The following DHRSX variants were observed in gnomAD, a reference collection of about 807,000 sequenced individuals.
DHRSX encodes dehydrogenase/reductase X-linked.
Under a neutral mutation model 34.0 loss-of-function variants are expected in DHRSX, and 31 were observed. That is an observed-to-expected ratio of 0.91 (90% CI 0.69 to 1.23). The LOEUF (loss-of-function observed/expected upper bound fraction) is 1.23. Among genes scored for constraint, DHRSX ranks in the 50% most tolerant of loss-of-function variants. DHRSX has a pLI of 0.00. For missense variants in DHRSX, 414 were observed against 428.1 expected (o/e 0.97, Z 0.29); for synonymous variants, 201 against 183.8 (o/e 1.09, Z -0.76).
chrX:2,248,823 A>G (rs2016364892), intron 5 of DHRSX, among the ~76,000 whole-genome samples: 2 of 152,056 alleles, frequency 1.3e-5, no homozygotes, highest in African/African-American at 4.8e-5. Context: ...TCAGCCTTAG[A>G]TCACACCCTC....
intron 2 of DHRSX, among the ~76,000 whole-genome samples, chrX:2,410,376 C>G: frequency 6.6e-6 from 1 of 152,268 alleles, no homozygotes; most frequent in South Asian, 2.1e-4. Context: ...GCCCGGAGAG[C>G]TTCAAACAGC....
At chrX:2,262,601 C>G (rs1347045690) in intron 5 of DHRSX, among the ~76,000 whole-genome samples, 2 of 152,248 alleles carry the variant, frequency 1.3e-5, no homozygotes, top group Non-Finnish European at 2.9e-5. Flanking sequence ...CACAGGCACG[C>G]ACACATGCCC....
At position 2,219,676 on chromosome X, in the gene DHRSX, G is replaced by C. The variant is rs925674709; in HGVS notation, c.*1365C>G. 2 of 152,230 alleles carry C rather than the reference G, an allele frequency of 1.3e-5. No individual in the cohort carries two copies. The highest frequency in any genetic ancestry group is 4.8e-5 in the African/African-American group (2 of 41,462). The allele number at this position is 152,230 out of a possible 1,614,324, so 9.4% of individuals were successfully genotyped here. A position where few individuals can be genotyped will look rare whatever the true frequency, so the allele number is the denominator to read the frequency against. ...CAGCTGGTTGTGATTCTAAGGTACA[G>C]GCATGCCAGGAGCCTGGATTTGAAT... is the stretch of plus-strand genomic sequence containing the variant. On this transcript the variant is annotated 3_prime_UTR_variant, in exon 7 of 7. Transcript: ENST00000334651.
rs771616367 is a variant in DHRSX, at chrX:2,473,630, C to CA, written c.109+27186dup. On this transcript the variant is annotated intron_variant, in intron 1 of 6. Coordinates refer to ENST00000334651, the MANE Select transcript of DHRSX (RefSeq NM_145177.3). ...AGGGTGACAGAGCAAGACTCCGTCTCAAAAAAAAAAAAAAGAATGAAAGGT... is the reference window on the plus strand; with the variant it reads ...AGGGTGACAGAGCAAGACTCCGTCTCAAAAAAAAAAAAAAAGAATGAAAGGT... Among the ~76,000 whole-genome samples the CA allele has an allele frequency of 1.5e-3, 157 of 106,268 alleles. 2 individuals carry two copies. The highest frequency in any genetic ancestry group is 4.7e-3 in the Middle Eastern group (1 of 212). The allele number at this position is 106,268 out of a possible 152,430, so 69.7% of individuals were successfully genotyped here. A position where few individuals can be genotyped will look rare whatever the true frequency, so the allele number is the denominator to read the frequency against.
At chrX:2,330,531 A>AG (rs2042454439) in intron 3 of DHRSX, among the ~76,000 whole-genome samples, 1 of 145,542 alleles carries the variant, frequency 6.9e-6, no homozygotes, top group African/African-American at 2.5e-5. Flanking sequence ...GAAAAAAAAA[A>AG]AGAAAAGAAA....
chrX:2,317,256 C>CCTTTTTTTTTTTT (rs2042251425), intron 3 of DHRSX, among the ~76,000 whole-genome samples: 8 of 87,440 alleles, frequency 9.1e-5, no homozygotes, highest in African/African-American at 3.9e-4. Flanking sequence ...CCGCGCCTGG[C>CCTTTTTTTTTTTT]TTTTTTTTTT....
At chrX:2,412,198 G>T (rs182754631) in intron 2 of DHRSX, among the ~76,000 whole-genome samples, 30 of 152,272 alleles carry the variant, frequency 2.0e-4, no homozygotes, top group Admixed American at 1.4e-3. Context: ...TTTGTATTTG[G>T]GGGGGCAGGG....
chrX:2,416,241 T>C (rs2043691599), intron 2 of DHRSX, among the ~76,000 whole-genome samples: 1 of 151,684 alleles, frequency 6.6e-6, no homozygotes, highest in Non-Finnish European at 1.5e-5. Flanking sequence ...CATCAGAACC[T>C]TACCCAACTG....
chrX:2,314,672 C>T (rs191142842), intron 3 of DHRSX, among the ~76,000 whole-genome samples: 296 of 151,938 alleles, frequency 1.9e-3, no homozygotes, highest in Non-Finnish European at 3.2e-3. Flanking sequence ...AAGTAAGTTA[C>T]GATATATAGG....
chrX:2,296,059 C>T (rs191270369), intron 3 of DHRSX, among the ~76,000 whole-genome samples: 11 of 152,240 alleles, frequency 7.2e-5, no homozygotes, highest in Non-Finnish European at 2.9e-5. Context: ...CCCCAAGCCA[C>T]GCCGGGCATC....
intron 1 of DHRSX, among the ~76,000 whole-genome samples, chrX:2,475,631 G>C (rs2044668230): frequency 1.3e-5 from 2 of 149,104 alleles, no homozygotes; most frequent in African/African-American, 5.0e-5. Flanking sequence ...CGTTCCCTAA[G>C]CATACAGCCA....
At chrX:2,383,071 TCAG>T (rs1165998532) in intron 3 of DHRSX, among the ~76,000 whole-genome samples, 2 of 149,510 alleles carry the variant, frequency 1.3e-5, no homozygotes, top group Non-Finnish European at 3.0e-5. Flanking sequence ...ATCACCATCA[TCAG>T]CAGCAGCAGC....
In DHRSX at chrX:2,414,859, A is replaced by T. The variant is rs573443536; in HGVS notation, c.218-6046T>A. Among the ~76,000 whole-genome samples, 10 of 151,988 alleles carry T rather than the reference A, an allele frequency of 6.6e-5. 1 individual carries two copies. Among genetic ancestry groups the T allele is most frequent in the African/African-American group, 2.2e-4 (9 of 41,480 alleles). ...TCATAGCCTAGGCCAACTAGATTTC[A>T]TTATGACCTAATACAACTAATTCTC... On this transcript the variant is annotated intron_variant, in intron 2 of 6. Transcript: ENST00000334651.
chrX:2,406,357 A>G (rs751985888), intron 3 of DHRSX, among the ~76,000 whole-genome samples: 1 of 152,300 alleles, frequency 6.6e-6, no homozygotes, highest in Admixed American at 6.5e-5. Flanking sequence ...GGAAATGCAA[A>G]TGAAAACCAC....
At chrX:2,257,968 T>C (rs1311701796) in intron 5 of DHRSX, among the ~76,000 whole-genome samples, 1 of 151,904 alleles carries the variant, frequency 6.6e-6, no homozygotes, top group Non-Finnish European at 1.5e-5. Flanking sequence ...TAAAATGAGG[T>C]CACTAGGGTA....
At chrX:2,285,338 G>T (rs1293645707) in intron 4 of DHRSX, among the ~76,000 whole-genome samples, 3 of 152,156 alleles carry the variant, frequency 2.0e-5, no homozygotes, top group Non-Finnish European at 4.4e-5. Context: ...TCAGGAATTA[G>T]ATTCCATAAG....
chrX:2,315,709 T>C (rs2042234081), intron 3 of DHRSX, among the ~76,000 whole-genome samples: 1 of 152,126 alleles, frequency 6.6e-6, no homozygotes, highest in African/African-American at 2.4e-5. Context: ...AGATTGGGTT[T>C]AGATTAACAG....
At chrX:2,273,493 G>A (rs113282800) in intron 4 of DHRSX, among the ~76,000 whole-genome samples, 2,720 of 152,214 alleles carry the variant, frequency 0.018, 33 homozygotes, top group Non-Finnish European at 0.03. Flanking sequence ...ACTAAGCTCT[G>A]GGTATGCTTC....
intron 6 of DHRSX, among the ~76,000 whole-genome samples, chrX:2,237,709 T>C (rs2016048430): frequency 6.6e-6 from 1 of 152,022 alleles, no homozygotes; most frequent in African/African-American, 2.4e-5. Flanking sequence ...TTCTCCATGT[T>C]GGTTAGGCTG....
Sources: gnomAD v4.1 joint callset for allele counts (sites outside exome capture counted in the v4.1 genomes callset) on GRCh38, gnomAD v4.1.1 for gene constraint, MANE v1.5 for transcripts, NCBI Gene and HGNC (gene_info 2026-07-23, HGNC 2026-07-21) for gene names.